The following PPP2R5C variants were observed in gnomAD, a reference collection of about 807,000 sequenced individuals.
The protein encoded by PPP2R5C is protein phosphatase 2 regulatory subunit B'gamma, also known as serine/threonine-protein phosphatase 2A 56 kDa regulatory subunit gamma isoform.
In PPP2R5C, 7 loss-of-function variants were observed where a neutral mutation model predicts 68.9. The observed-to-expected ratio is 0.10, with a 90% CI of 0.06 to 0.19. The LOEUF is 0.19. PPP2R5C is among the 10% of genes least tolerant of loss of function. The pLI, the probability that PPP2R5C is intolerant of heterozygous loss-of-function variation, is 1.00. For missense variants in PPP2R5C, 348 were observed against 641.3 expected (o/e 0.54, Z 4.94); for synonymous variants, 210 against 222.2 (o/e 0.95, Z 0.49).
At chr14:101,790,296 A>G (rs570772610) in intron 3 of PPP2R5C, among the ~76,000 whole-genome samples, 9 of 152,290 alleles carry the variant, frequency 5.9e-5, no homozygotes, top group Non-Finnish European at 1.3e-4. Context: ...AAACTCACCC[A>G]TTGTAACTGG....
chr14:101,818,992 G>A, intron 1 of PPP2R5C: 2 of 1,545,108 alleles, frequency 1.3e-6, no homozygotes, highest in South Asian at 1.2e-5. Flanking sequence ...TTCACTCTAG[G>A]GAACAAGTCC....
chr14:101,790,878 A>T (rs531369006), intron 3 of PPP2R5C, among the ~76,000 whole-genome samples: 49 of 152,344 alleles, frequency 3.2e-4, no homozygotes, highest in Admixed American at 2.9e-3. Flanking sequence ...CAGGAGATCA[A>T]GGCCATCCTG....
chr14:101,816,722 A>G (rs915075179), intron 1 of PPP2R5C, among the ~76,000 whole-genome samples: 1 of 151,764 alleles, frequency 6.6e-6, no homozygotes, highest in African/African-American at 2.4e-5. Flanking sequence ...AATGGTAAAG[A>G]GAAAAGTGGG....
At chr14:101,818,846 T>G in intron 1 of PPP2R5C, 6 of 620,964 alleles carry the variant, frequency 9.7e-6, no homozygotes, top group Non-Finnish European at 1.7e-5. Context: ...TAACAGTGAT[T>G]AGGTTTTTTC....
At chr14:101,921,113 G>C (rs1331850333) in intron 13 of PPP2R5C, 2 of 157,544 alleles carry the variant, frequency 1.3e-5, no homozygotes, top group Non-Finnish European at 2.5e-5. Context: ...TGATACCCAG[G>C]CTGGAATGCA....
At chr14:101,897,992 CAA>C (rs35907957) in intron 8 of PPP2R5C, among the ~76,000 whole-genome samples, 1 of 143,316 alleles carries the variant, frequency 7.0e-6, no homozygotes, top group Non-Finnish European at 1.5e-5. Context: ...TCCTCTCTAC[CAA>C]AAAAAAAAAA....
intron 1 of PPP2R5C, among the ~76,000 whole-genome samples, chr14:101,814,448 G>A (rs1317611219): frequency 6.6e-6 from 1 of 152,130 alleles, no homozygotes. Context: ...GTATGTTTGT[G>A]TAAAGTCTGT....
At chr14:101,814,007 A>G (rs1349729427) in intron 1 of PPP2R5C, among the ~76,000 whole-genome samples, 1 of 152,226 alleles carries the variant, frequency 6.6e-6, no homozygotes, top group Non-Finnish European at 1.5e-5. Context: ...CTGCTGCGCT[A>G]AATCTGGTGA....
chr14:101,910,629 G>A (rs925683028), intron 11 of PPP2R5C, among the ~76,000 whole-genome samples: 5 of 151,508 alleles, frequency 3.3e-5, no homozygotes, highest in Non-Finnish European at 5.9e-5. Context: ...TCAGGAGATT[G>A]AGACCATGCT....
At chr14:101,923,124 T>C (rs2047104856) in intron 13 of PPP2R5C, among the ~76,000 whole-genome samples, 1 of 152,244 alleles carries the variant, frequency 6.6e-6, no homozygotes, top group South Asian at 2.1e-4. Flanking sequence ...GCCTGCCATC[T>C]GCATGCTGTC....
chr14:101,905,669 A>C (rs1279053357), intron 9 of PPP2R5C, among the ~76,000 whole-genome samples: 1 of 151,376 alleles, frequency 6.6e-6, no homozygotes, highest in African/African-American at 2.4e-5. Flanking sequence ...AAAAAAAAAA[A>C]GAAAAGAAAA....
chr14:101,862,955 A>G (rs1016472118), intron 2 of PPP2R5C, among the ~76,000 whole-genome samples: 9 of 151,842 alleles, frequency 5.9e-5, no homozygotes, highest in African/African-American at 1.9e-4. Context: ...CAGCCTCACA[A>G]GTAGCTGAGT....
At chr14:101,761,951 G>A in intron 1 of PPP2R5C, 31 bp downstream of exon 1, 4 of 1,192,130 alleles carry the variant, frequency 3.4e-6, no homozygotes, top group East Asian at 3.6e-5. Context: ...GGGACGGAGG[G>A]AGCAGGGAGG....
At chr14:101,919,521 T>G (rs1025967720) in intron 13 of PPP2R5C, among the ~76,000 whole-genome samples, 2 of 152,222 alleles carry the variant, frequency 1.3e-5, no homozygotes, top group Non-Finnish European at 2.9e-5. Context: ...CCATTTTGAT[T>G]TTGTGGCTTC....
intron 1 of PPP2R5C, among the ~76,000 whole-genome samples, chr14:101,817,400 A>G (rs1170387661): frequency 2.0e-5 from 3 of 152,234 alleles, no homozygotes; most frequent in African/African-American, 7.2e-5. Flanking sequence ...TTCCTAAGCC[A>G]TGAGCAGTGG....
At chr14:101,909,718 T>G (rs1301476641) in intron 11 of PPP2R5C, 28 bp downstream of exon 13, 1 of 1,504,826 alleles carries the variant, frequency 6.6e-7, no homozygotes, top group Non-Finnish European at 9.2e-7. Context: ...CAAGTTACTG[T>G]TTCCAGGATT....
At chr14:101,779,287 C>G (rs924109520) in intron 2 of PPP2R5C, among the ~76,000 whole-genome samples, 6 of 152,088 alleles carry the variant, frequency 3.9e-5, no homozygotes, top group Non-Finnish European at 7.4e-5. Flanking sequence ...TGTCCATGCT[C>G]TCAACAAGCT....
chr14:101,819,218 G>C, intron 1 of PPP2R5C: 1 of 743,078 alleles, frequency 1.3e-6, no homozygotes, highest in Middle Eastern at 3.7e-4. Context: ...CTCAAAGGGG[G>C]GTAGCACTTG....
chr14:101,860,185 C>T (rs887988443), intron 2 of PPP2R5C, among the ~76,000 whole-genome samples: 2 of 152,156 alleles, frequency 1.3e-5, no homozygotes, highest in African/African-American at 2.4e-5. Context: ...TTAATAGTCA[C>T]TGCCATTGTT....
Sources: gnomAD v4.1 joint callset for allele counts (sites outside exome capture counted in the v4.1 genomes callset) on GRCh38, gnomAD v4.1.1 for gene constraint, MANE v1.5 for transcripts, NCBI Gene and HGNC (gene_info 2026-07-23, HGNC 2026-07-21) for gene names.